SQOR: variants seen among roughly 807,000 people sequenced by gnomAD.
The protein encoded by SQOR is sulfide:quinone oxidoreductase, mitochondrial.
A neutral mutation model predicts 48.6 loss-of-function variants in SQOR; 39 were observed. That is an observed-to-expected ratio of 0.80 (90% CI 0.62 to 1.05). The LOEUF is 1.05. Among genes scored for constraint, SQOR ranks in the 50% least tolerant of loss-of-function variants. The pLI, the probability that SQOR is intolerant of heterozygous loss-of-function variation, is 0.00. For missense variants in SQOR, 561 were observed against 559.9 expected (o/e 1.00, Z -0.02); for synonymous variants, 220 against 206.2 (o/e 1.07, Z -0.57).
intron 9 of SQOR, among the ~76,000 whole-genome samples, chr15:45,689,662 C>G (rs76922305): frequency 6.6e-6 from 1 of 151,812 alleles, no homozygotes; most frequent in South Asian, 2.1e-4. Context: ...TCAAGTGATC[C>G]GCCCGCCTCG....
chr15:45,683,426 C>T (rs1446530258), intron 7 of SQOR, among the ~76,000 whole-genome samples: 2 of 152,230 alleles, frequency 1.3e-5, no homozygotes, highest in African/African-American at 4.8e-5. Flanking sequence ...GAGTGGTACA[C>T]GATTAAGGCC....
chr15:45,634,323 C>T (rs916620028), upstream of SQOR, among the ~76,000 whole-genome samples: 3 of 150,708 alleles, frequency 2.0e-5, no homozygotes, highest in Non-Finnish European at 4.4e-5. Flanking sequence ...TTGCACTTCT[C>T]AGGTTATGAG....
chr15:45,631,164 G>C (rs879402374), upstream of SQOR: 1 of 186,492 alleles, frequency 5.4e-6, no homozygotes, highest in Non-Finnish European at 1.1e-5. Flanking sequence ...TTCTCTTGCC[G>C]CCACCATGTA....
intron 1 of SQOR, among the ~76,000 whole-genome samples, chr15:45,635,997 A>C (rs72713191): frequency 0.1 from 15,651 of 151,898 alleles, 862 homozygotes; most frequent in Middle Eastern, 0.26. Context: ...CACCTGGCTA[A>C]TTTTAGTATT....
In SQOR at chr15:45,673,356, A is replaced by G. The variant is rs1228396572; in HGVS notation, c.460-251A>G. Among the ~76,000 whole-genome samples the G allele has an allele frequency of 2.0e-5, 3 of 152,186 alleles. No individual in the cohort carries two copies. The East Asian group carries it at 5.8e-4, about 29-fold the overall frequency. ...TCCGATGGTGGGAAAAGTTGTATTC[A>G]AATTGTATTCTCAAGGCCAGGGAGT... On this transcript the variant is annotated intron_variant, in intron 4 of 9. Transcript: ENST00000260324.
intron 3 of SQOR, among the ~76,000 whole-genome samples, chr15:45,666,471 AAATAAT>A (rs1182072875): frequency 5.9e-5 from 9 of 152,192 alleles, no homozygotes; most frequent in East Asian, 5.8e-4. Flanking sequence ...TTCATTTGTA[AAATAAT>A]AATAATAATA....
At chr15:45,682,834 C>T (rs1003948226) in intron 7 of SQOR, among the ~76,000 whole-genome samples, 173 bp downstream of exon 7, 14 of 152,112 alleles carry the variant, frequency 9.2e-5, no homozygotes, top group Non-Finnish European at 1.8e-4. Flanking sequence ...TTGAGACCAG[C>T]CTGGCCAACA....
intron 1 of SQOR, among the ~76,000 whole-genome samples, chr15:45,658,317 T>C (rs1889651798): frequency 6.6e-6 from 1 of 152,188 alleles, no homozygotes; most frequent in South Asian, 2.1e-4. Context: ...TATATTTCCC[T>C]GGGCAAGCAG....
chr15:45,644,657 C>T (rs1015383539), intron 1 of SQOR, among the ~76,000 whole-genome samples: 3 of 151,954 alleles, frequency 2.0e-5, no homozygotes, highest in African/African-American at 4.8e-5. Context: ...AAAGCACCTG[C>T]GTAGGTGAAG....
intron 3 of SQOR, among the ~76,000 whole-genome samples, chr15:45,662,481 T>C (rs1267494383): frequency 3.9e-5 from 6 of 152,160 alleles, no homozygotes; most frequent in Non-Finnish European, 7.4e-5. Context: ...TCTGAAGCAA[T>C]CAGATTTTCT....
Position 45,652,937 on chromosome 15 carries a change from C to T in SQOR, c.-17-5970C>T, listed in dbSNP as rs146675918. Among the ~76,000 whole-genome samples the T allele has an allele frequency of 3.5e-3, 528 of 150,518 alleles. 4 individuals carry two copies. Among genetic ancestry groups the T allele is most frequent in the African/African-American group, 0.012 (500 of 40,964 alleles). On this transcript the variant is annotated intron_variant, in intron 1 of 9. Transcript: ENST00000260324. ...GCAGTGAGTCGAGATCCAGCCTGGG[C>T]GACAGAGCAAGATTCCGCCTCAAAA...
chr15:45,638,747 A>G (rs991045959), intron 1 of SQOR, among the ~76,000 whole-genome samples: 4 of 152,106 alleles, frequency 2.6e-5, no homozygotes, highest in Non-Finnish European at 5.9e-5. Context: ...AGAAAGAAAA[A>G]AAAAAAAGGA....
intron 1 of SQOR, among the ~76,000 whole-genome samples, chr15:45,647,280 ACT>A (rs1245711270): frequency 6.9e-6 from 1 of 145,504 alleles, no homozygotes; most frequent in Non-Finnish European, 1.5e-5. Context: ...ACATATATTC[ACT>A]CTCACCTCCC....
At chr15:45,667,894 A>G (rs1375830279) in intron 3 of SQOR, among the ~76,000 whole-genome samples, 1 of 151,476 alleles carries the variant, frequency 6.6e-6, no homozygotes, top group Non-Finnish European at 1.5e-5. Context: ...TTTCCTACAG[A>G]AGATGGAATT....
chr15:45,676,352 C>A, intron 6 of SQOR, 42 bp downstream of exon 6: 1 of 1,588,930 alleles, frequency 6.3e-7, no homozygotes. Flanking sequence ...GCGTTGTCTG[C>A]TGAAACGTGC....
chr15:45,679,897 G>C (rs939350907), intron 6 of SQOR, among the ~76,000 whole-genome samples: 9 of 152,016 alleles, frequency 5.9e-5, no homozygotes, highest in Non-Finnish European at 1.0e-4. Flanking sequence ...GTGTAGCCTG[G>C]GAACCTGTAT....
chr15:45,655,725 C>G (rs1889592397), intron 1 of SQOR, among the ~76,000 whole-genome samples: 1 of 148,208 alleles, frequency 6.7e-6, no homozygotes, highest in Admixed American at 6.9e-5. Flanking sequence ...ACTCTGTTGC[C>G]CAGGCTGGAG....
Position 45,656,434 on chromosome 15 carries a change from G to A in SQOR, c.-17-2473G>A, listed in dbSNP as rs142919884. On this transcript the variant is annotated intron_variant, in intron 1 of 9. Coordinates refer to ENST00000260324, the MANE Select transcript of SQOR (RefSeq NM_021199.4). ...TCCACTTCAGCCTTGGTAGTAGCTGGGTGCACCACCATGCCTGGCTAATTT... is the reference window on the plus strand; with the variant it reads ...TCCACTTCAGCCTTGGTAGTAGCTGAGTGCACCACCATGCCTGGCTAATTT... 4.2e-4 allele frequency among the ~76,000 whole-genome samples: 63 copies of A among 151,798 alleles called. No homozygotes were observed. In the East Asian group the frequency reaches 0.011, roughly 26 times the overall value.
Position 45,662,123 on chromosome 15 carries a change from A to G in SQOR, c.403A>G (p.Lys135Glu). 1 of 1,613,718 alleles carries G rather than the reference A, an allele frequency of 6.2e-7. No individual in the cohort carries two copies. Among genetic ancestry groups the G allele is most frequent in the Non-Finnish European group, 8.5e-7 (1 of 1,179,690 alleles). Residue 135 changes from lysine (K) to glutamate (E), a missense_variant and splice_region_variant, in exon 3 of 10, where the codon AAG (lysine) becomes GAG (glutamate). Transcript: ENST00000260324. ...KNCIHTDDDE[K>E]ISYRYLIIAL... ...CTGCATTCACACAGATGACGACGAG[A>G]AGGTAACCACTGAGGCCTTTAGATT...
Sources: gnomAD v4.1 joint callset for allele counts (sites outside exome capture counted in the v4.1 genomes callset) on GRCh38, gnomAD v4.1.1 for gene constraint, MANE v1.5 for transcripts, NCBI Gene and HGNC (gene_info 2026-07-23, HGNC 2026-07-21) for gene names.